LIMD1: variants seen among roughly 807,000 people sequenced by gnomAD.
The protein encoded by LIMD1 is LIM domain-containing protein 1.
A neutral mutation model predicts 58.4 loss-of-function variants in LIMD1; 23 were observed. That is an observed-to-expected ratio of 0.39 (90% CI 0.28 to 0.56). The LOEUF is 0.56. Among genes scored for constraint, LIMD1 ranks in the 20% least tolerant of loss-of-function variants. LIMD1 has a pLI of 0.57. For missense variants in LIMD1, 838 were observed against 855.5 expected (o/e 0.98, Z 0.25); for synonymous variants, 334 against 345.5 (o/e 0.97, Z 0.37).
Position 45,681,847 on chromosome 3 carries a change from AGACTTGTAAGGTCCTGATGCAGT to A in LIMD1, c.*4802_*4824del, listed in dbSNP as rs2125673132. On this transcript the variant is annotated 3_prime_UTR_variant, in exon 8 of 8. Transcript: ENST00000273317. ...TTCTTTTACTGGACCTTTAAGATTG[AGACTTGTAAGGTCCTGATGCAGT>A]GACTTGTAAGGTCACTTTGTCTCTC... 6.6e-6 allele frequency: 1 copy of A among 152,364 alleles called. No individual in the cohort carries two copies. Among genetic ancestry groups the A allele is most frequent in the Admixed American group, 6.5e-5 (1 of 15,306 alleles). The allele number at this position is 152,364 out of a possible 1,614,324, so 9.4% of individuals were successfully genotyped here. A position where few individuals can be genotyped will look rare whatever the true frequency, so the allele number is the denominator to read the frequency against.
chr3:45,606,232 T>C (rs987312621), intron 1 of LIMD1, among the ~76,000 whole-genome samples: 1 of 152,212 alleles, frequency 6.6e-6, no homozygotes, highest in African/African-American at 2.4e-5. Context: ...CGCCTAGTAC[T>C]TTTATGAAGT....
intron 1 of LIMD1, among the ~76,000 whole-genome samples, chr3:45,599,042 C>G (rs982256721): frequency 6.6e-6 from 1 of 152,114 alleles, no homozygotes; most frequent in African/African-American, 2.4e-5. Context: ...GGGACTTGAA[C>G]CTGACAGTTC....
intron 1 of LIMD1, among the ~76,000 whole-genome samples, chr3:45,628,576 T>C (rs1168868002): frequency 6.6e-6 from 1 of 152,242 alleles, no homozygotes; most frequent in Non-Finnish European, 1.5e-5. Context: ...TAAAATGATA[T>C]AACTTCTTCA....
At chr3:45,602,835 CTT>C (rs57750084) in intron 1 of LIMD1, among the ~76,000 whole-genome samples, 7 of 141,518 alleles carry the variant, frequency 4.9e-5, no homozygotes, top group Non-Finnish European at 7.8e-5. Context: ...GTTTTCATGA[CTT>C]TTTTTTTTTT....
At chr3:45,600,648 C>A (rs543178431) in intron 1 of LIMD1, among the ~76,000 whole-genome samples, 4 of 152,164 alleles carry the variant, frequency 2.6e-5, no homozygotes, top group Non-Finnish European at 4.4e-5. Context: ...GTTTTAGCAC[C>A]ACTGCTGACA....
At position 45,614,411 on chromosome 3, in the gene LIMD1, A is replaced by T. The variant is rs1701557582; in HGVS notation, c.1408+18124A>T. ...GCGTGGTGGCGGGCACCTGTAGTTA[A>T]AAAAAAAAAAAAAAAAGGAAATCCT... On this transcript the variant is annotated intron_variant, in intron 1 of 7. Transcript: ENST00000273317. Among the ~76,000 whole-genome samples, 4 of 137,464 alleles carry T rather than the reference A, an allele frequency of 2.9e-5. No individual in the cohort carries two copies. The South Asian group carries it at 6.7e-4, about 23-fold the overall frequency. The allele number at this position is 137,464 out of a possible 152,430, so 90.2% of individuals were successfully genotyped here.
chr3:45,672,973 C>A (rs943697269), intron 5 of LIMD1, among the ~76,000 whole-genome samples, 153 bp downstream of exon 5: 2 of 151,850 alleles, frequency 1.3e-5, no homozygotes, highest in East Asian at 3.9e-4. Flanking sequence ...ACAGCAGGGA[C>A]CTTGGGAGGT....
Position 45,644,553 on chromosome 3 carries a change from G to A in LIMD1, c.1510+8302G>A, listed in dbSNP as rs114123157. On this transcript the variant is annotated intron_variant, in intron 2 of 7. Coordinates refer to ENST00000273317, the MANE Select transcript of LIMD1 (RefSeq NM_014240.3). Reference sequence around the variant, plus strand: ...GCGCACTAAATCCTGTAACAATTCAGGGAGTTCAACGTTCATTATTATTAT... The same window carrying A: ...GCGCACTAAATCCTGTAACAATTCAAGGAGTTCAACGTTCATTATTATTAT... Among the ~76,000 whole-genome samples, 874 of 152,210 alleles carry A rather than the reference G, an allele frequency of 5.7e-3. 7 individuals carry two copies. Among genetic ancestry groups the A allele is most frequent in the African/African-American group, 0.02 (820 of 41,504 alleles).
chr3:45,597,441 C>A (rs1380472068), intron 1 of LIMD1, among the ~76,000 whole-genome samples: 2 of 152,220 alleles, frequency 1.3e-5, no homozygotes, highest in African/African-American at 4.8e-5. Context: ...TTTACTCAAA[C>A]TTGCATGTTT....
intron 2 of LIMD1, among the ~76,000 whole-genome samples, chr3:45,653,680 T>C (rs115118721): frequency 0.039 from 5,998 of 152,152 alleles, 126 homozygotes; most frequent in African/African-American, 0.06. Context: ...GAGGCTGAGG[T>C]AGCCAGATCA....
At chr3:45,635,136 G>T (rs1701772872) in intron 1 of LIMD1, 1 of 152,576 alleles carries the variant, frequency 6.6e-6, no homozygotes, top group Non-Finnish European at 1.5e-5. Context: ...TACTTGGAAG[G>T]CTGAGGCAGG....
intron 1 of LIMD1, among the ~76,000 whole-genome samples, chr3:45,630,350 G>T (rs955682797): frequency 6.6e-6 from 1 of 152,344 alleles, no homozygotes; most frequent in East Asian, 1.9e-4. Flanking sequence ...TTCTACAAGG[G>T]CATGGCCACA....
chr3:45,672,508 T>G (rs932566536), intron 4 of LIMD1, among the ~76,000 whole-genome samples, 182 bp from the exon 5 acceptor site: 1 of 152,210 alleles, frequency 6.6e-6, no homozygotes, highest in Non-Finnish European at 1.5e-5. Flanking sequence ...TTCTGTGTAT[T>G]CATCTAAACA....
intron 1 of LIMD1, among the ~76,000 whole-genome samples, chr3:45,625,660 T>C (rs566839814): frequency 1.3e-5 from 2 of 152,158 alleles, no homozygotes; most frequent in Admixed American, 6.5e-5. Flanking sequence ...TGTGAATGGA[T>C]TAATAATGGT....
At chr3:45,666,651 A>G (rs532738210) in intron 3 of LIMD1, among the ~76,000 whole-genome samples, 12 of 152,236 alleles carry the variant, frequency 7.9e-5, no homozygotes, top group African/African-American at 2.9e-4. Flanking sequence ...CACCATGCCC[A>G]GGGCCTGCCC....
chr3:45,654,333 G>GGAAACATAA, intron 2 of LIMD1, among the ~76,000 whole-genome samples: 1 of 152,294 alleles, frequency 6.6e-6, no homozygotes, highest in Non-Finnish European at 1.5e-5. Flanking sequence ...GACCAGTTAT[G>GGAAACATAA]TTTCCAGAAT....
At chr3:45,670,051 GTA>G (rs1697569909) in intron 4 of LIMD1, among the ~76,000 whole-genome samples, 1 of 152,126 alleles carries the variant, frequency 6.6e-6, no homozygotes, top group African/African-American at 2.4e-5. Flanking sequence ...GTCCTCATTA[GTA>G]GCCAAGACCT....
At chr3:45,657,306 A>G (rs1697349750) in intron 2 of LIMD1, among the ~76,000 whole-genome samples, 1 of 152,148 alleles carries the variant, frequency 6.6e-6, no homozygotes, top group Admixed American at 6.5e-5. Context: ...GCTGTTCATG[A>G]CACTTAAGTG....
At chr3:45,645,624 AT>A (rs1301676346) in intron 2 of LIMD1, among the ~76,000 whole-genome samples, 1 of 152,170 alleles carries the variant, frequency 6.6e-6, no homozygotes, top group Non-Finnish European at 1.5e-5. Flanking sequence ...TAGCAGGAAG[AT>A]GTTGCACCGC....
Sources: gnomAD v4.1 joint callset for allele counts (sites outside exome capture counted in the v4.1 genomes callset) on GRCh38, gnomAD v4.1.1 for gene constraint, MANE v1.5 for transcripts, NCBI Gene and HGNC (gene_info 2026-07-23, HGNC 2026-07-21) for gene names.